Variants in CAMK1D observed in about 807,000 individuals in gnomAD.
CAMK1D encodes the protein calcium/calmodulin-dependent protein kinase type 1D.
Under a neutral mutation model 47.7 loss-of-function variants are expected in CAMK1D, and 9 were observed. The observed-to-expected ratio is 0.19, with a 90% CI of 0.11 to 0.33. CAMK1D has a LOEUF of 0.33. Among genes scored for constraint, CAMK1D ranks in the 10% least tolerant of loss-of-function variants. CAMK1D has a pLI of 1.00. For synonymous variants in CAMK1D, 184 were observed against 184.9 expected (o/e 0.99, Z 0.04); for missense variants, 291 against 488.7 (o/e 0.60, Z 3.81).
chr10:12,647,461 T>G (rs1364435929), intron 2 of CAMK1D, among the ~76,000 whole-genome samples: 2 of 152,188 alleles, frequency 1.3e-5, no homozygotes, highest in Non-Finnish European at 2.9e-5. Context: ...CCGCCTAGTT[T>G]TTTACTTCAG....
chr10:12,366,667 AAAG>A (rs1172552548), intron 1 of CAMK1D, among the ~76,000 whole-genome samples: 4 of 152,008 alleles, frequency 2.6e-5, no homozygotes, highest in East Asian at 1.9e-4. Context: ...TTAAAAAAAA[AAAG>A]AAGAGTCAAT....
At chr10:12,494,314 C>G (rs1321729341) in intron 1 of CAMK1D, among the ~76,000 whole-genome samples, 1 of 152,086 alleles carries the variant, frequency 6.6e-6, no homozygotes, top group African/African-American at 2.4e-5. Flanking sequence ...GCCAGGTTCT[C>G]TCTGTATTTT....
chr10:12,820,553 G>A (rs1405601403), intron 8 of CAMK1D, among the ~76,000 whole-genome samples: 1 of 152,190 alleles, frequency 6.6e-6, no homozygotes, highest in African/African-American at 2.4e-5. Flanking sequence ...TCTGGAAGCT[G>A]TGGTCTCCGC....
intron 2 of CAMK1D, among the ~76,000 whole-genome samples, chr10:12,581,432 G>C (rs1291693244): frequency 1.3e-5 from 2 of 152,110 alleles, no homozygotes; most frequent in Non-Finnish European, 2.9e-5. Flanking sequence ...TCAAACAGTA[G>C]ATCTACTTTT....
intron 1 of CAMK1D, among the ~76,000 whole-genome samples, chr10:12,496,805 G>T (rs538171535): frequency 3.9e-5 from 6 of 152,250 alleles, no homozygotes; most frequent in African/African-American, 9.6e-5. Context: ...GTGTGCCATG[G>T]TGGTTTGCTG....
chr10:12,397,727 A>G (rs1159730640), intron 1 of CAMK1D, among the ~76,000 whole-genome samples: 1 of 152,228 alleles, frequency 6.6e-6, no homozygotes, highest in East Asian at 1.9e-4. Context: ...AGTGTTGCTT[A>G]GAGCCAAGGT....
intron 1 of CAMK1D, among the ~76,000 whole-genome samples, chr10:12,487,065 T>A (rs1213522892): frequency 2.0e-5 from 3 of 152,246 alleles, no homozygotes; most frequent in Non-Finnish European, 4.4e-5. Context: ...AAGTTTGTGA[T>A]ATAGGTAAAC....
At chr10:12,614,531 A>C (rs1019738132) in intron 2 of CAMK1D, among the ~76,000 whole-genome samples, 1 of 152,252 alleles carries the variant, frequency 6.6e-6, no homozygotes, top group Admixed American at 6.5e-5. Context: ...ATAGGGTTGA[A>C]TACACAGAAA....
chr10:12,485,831 G>A (rs1834197180), intron 1 of CAMK1D, among the ~76,000 whole-genome samples: 1 of 152,202 alleles, frequency 6.6e-6, no homozygotes, highest in Non-Finnish European at 1.5e-5. Context: ...CTTAAGACCT[G>A]ATAGCCCTGT....
chr10:12,824,870 GA>G (rs1193546244), intron 9 of CAMK1D, among the ~76,000 whole-genome samples: 1 of 152,108 alleles, frequency 6.6e-6, no homozygotes, highest in African/African-American at 2.4e-5. Flanking sequence ...TATGGAGGGG[GA>G]AAAAACAGGA....
intron 2 of CAMK1D, among the ~76,000 whole-genome samples, chr10:12,605,077 C>T (rs988077373): frequency 1.3e-5 from 2 of 151,940 alleles, no homozygotes; most frequent in Non-Finnish European, 2.9e-5. Context: ...TTAGTAGAGA[C>T]GGGGTTTCAC....
chr10:12,796,097 C>A (rs549586121), intron 6 of CAMK1D, among the ~76,000 whole-genome samples: 10 of 152,294 alleles, frequency 6.6e-5, no homozygotes, highest in Admixed American at 6.5e-4. Flanking sequence ...GAAGGATACT[C>A]ATTTTTTAAA....
At chr10:12,747,366 T>C (rs1346927358) in intron 3 of CAMK1D, among the ~76,000 whole-genome samples, 1 of 152,210 alleles carries the variant, frequency 6.6e-6, no homozygotes. Flanking sequence ...AGTGGAGTGC[T>C]GCAATCATAG....
chr10:12,559,901 T>C (rs918075159), intron 2 of CAMK1D, among the ~76,000 whole-genome samples: 1 of 151,898 alleles, frequency 6.6e-6, no homozygotes, highest in African/African-American at 2.4e-5. Flanking sequence ...TGGGCTGGAG[T>C]CCCTGAAATC....
At chr10:12,768,504 T>C (rs1190677032) in intron 4 of CAMK1D, among the ~76,000 whole-genome samples, 2 of 152,248 alleles carry the variant, frequency 1.3e-5, no homozygotes, top group Admixed American at 1.3e-4. Context: ...GCCTTTCCCA[T>C]GTCAGATTCT....
intron 3 of CAMK1D, among the ~76,000 whole-genome samples, chr10:12,714,590 G>A (rs1252661284): frequency 6.6e-6 from 1 of 152,056 alleles, no homozygotes; most frequent in Admixed American, 6.5e-5. Context: ...TTGGTGGCAG[G>A]TGCCTGTAAT....
At chr10:12,783,455 C>G (rs1431303128) in intron 5 of CAMK1D, among the ~76,000 whole-genome samples, 1 of 152,204 alleles carries the variant, frequency 6.6e-6, no homozygotes, top group Non-Finnish European at 1.5e-5. Flanking sequence ...AGCAAAGCAC[C>G]CTGAACGTGG....
At chr10:12,566,642 G>A (rs1177144999) in intron 2 of CAMK1D, among the ~76,000 whole-genome samples, 1 of 152,154 alleles carries the variant, frequency 6.6e-6, no homozygotes, top group Non-Finnish European at 1.5e-5. Flanking sequence ...GCTAAGCCGG[G>A]CAGACGCGGA....
At chr10:12,771,962 G>A (rs1224028349) in intron 5 of CAMK1D, among the ~76,000 whole-genome samples, 5 of 152,164 alleles carry the variant, frequency 3.3e-5, no homozygotes, top group African/African-American at 1.2e-4. Context: ...TGAACCTGGG[G>A]GGCGGAAGTT....
Sources: allele counts gnomAD v4.1 joint callset (sites outside exome capture counted in the v4.1 genomes callset), GRCh38; gene constraint gnomAD v4.1.1; transcripts MANE v1.5; gene names NCBI Gene and HGNC (gene_info 2026-07-23, HGNC 2026-07-21).